The following CD47 variants were observed in gnomAD, a reference collection of about 807,000 sequenced individuals.
CD47 encodes the protein CD47 molecule.
Under a neutral mutation model 44.6 loss-of-function variants are expected in CD47, and 11 were observed. That is an observed-to-expected ratio of 0.25 (90% CI 0.16 to 0.41). CD47 has a LOEUF of 0.41. Ranked by LOEUF, CD47 falls within the 10% of genes least tolerant of loss-of-function variation. The pLI is 1.00. For missense variants in CD47, 306 were observed against 386.7 expected (o/e 0.79, Z 1.75); for synonymous variants, 140 against 136.3 (o/e 1.03, Z -0.19).
rs376846275 is a variant in CD47, at chr3:108,060,810, G to C, written c.533C>G (p.Ala178Gly). Residue 178 changes from alanine (A) to glycine (G), a missense_variant, in exon 4 of 11, where the codon GCT (alanine) becomes GGT (glycine). Ala to Gly is a moderately conservative substitution (Grantham distance 60). Around this residue, in one of 5 missense-constraint regions of CD47, gnomAD observed 65 missense variants for 119.9 expected, o/e 0.54. Coordinates refer to ENST00000361309, the MANE Select transcript of CD47 (RefSeq NM_001777.4). ...RSGGMDEKTIALLVAGLVITV... is the reference protein window; with the variant it reads ...RSGGMDEKTIGLLVAGLVITV... The stretch of plus-strand genomic sequence containing the variant: ...GATCACTAGTCCAGCAACAAGTAAA[G>C]CAATTGTTTTCTCATCCATACCACC... 1.4e-5 allele frequency: 22 copies of C among 1,613,306 alleles called. No individual in the cohort carries two copies. Among genetic ancestry groups the C allele is most frequent in the Non-Finnish European group, 1.5e-5 (18 of 1,179,498 alleles).
intron 1 of CD47, among the ~76,000 whole-genome samples, chr3:108,090,290 T>C (rs961317195): frequency 5.3e-5 from 8 of 152,184 alleles, no homozygotes; most frequent in African/African-American, 1.9e-4. Flanking sequence ...TCTGATTGAA[T>C]GCTGAGTTGA....
rs770576578 is a variant in CD47, at chr3:108,045,070, T to C, written c.*2218A>G. On this transcript the variant is annotated 3_prime_UTR_variant, in exon 11 of 11. Transcript: ENST00000361309. ...TCTGTGGTCACTTATCCAGAGAAGC[T>C]GACAACTAGTGAGAGCAAGAGTTGG... The C allele has an allele frequency of 1.1e-3, 161 of 152,734 alleles. 1 individual carries two copies. Among genetic ancestry groups the C allele is most frequent in the Non-Finnish European group, 1.8e-3 (124 of 68,032 alleles). The allele number at this position is 152,734 out of a possible 1,614,324, so 9.5% of individuals were successfully genotyped here.
intron 1 of CD47, among the ~76,000 whole-genome samples, chr3:108,089,386 C>G (rs1407521670): frequency 6.6e-6 from 1 of 152,194 alleles, no homozygotes; most frequent in Non-Finnish European, 1.5e-5. Context: ...ACCATTCCAA[C>G]AGTTCTAAAC....
At chr3:108,076,742 G>T (rs1171495084) in intron 2 of CD47, among the ~76,000 whole-genome samples, 1 of 152,126 alleles carries the variant, frequency 6.6e-6, no homozygotes, top group Non-Finnish European at 1.5e-5. Context: ...CCACTTCCTT[G>T]AAATCAGCAA....
At chr3:108,060,917 T>C (rs571426265) in intron 3 of CD47, 65 bp from the exon 4 acceptor site, 2 of 1,070,432 alleles carry the variant, frequency 1.9e-6, no homozygotes, top group Non-Finnish European at 2.8e-6. Context: ...TAATAACTTG[T>C]AAGGTACAGA....
rs1428279373 is a variant in CD47 at position 108,060,870 on chromosome 3, A to G, written c.491-18T>C. On this transcript the variant is annotated intron_variant, in intron 3 of 10. Transcript: ENST00000361309. ...TTTAAGTGCTTAAAAAAGAAAAACA[A>G]AGAATTATATGAACTCAATCACAAG... 6.6e-7 allele frequency: 1 copy of G among 1,521,152 alleles called. No homozygotes were observed. The allele number at this position is 1,521,152 out of a possible 1,614,324, so 94.2% of individuals were successfully genotyped here.
In CD47 at chr3:108,047,303, G is replaced by T; in HGVS notation, c.968-11C>A. ...TTCACTTCAGTTATTCTGGAAAATT[G>T]AAAAATGAACACATAATCACTATTC... On this transcript the variant is annotated splice_polypyrimidine_tract_variant and intron_variant, in intron 10 of 10. Coordinates refer to ENST00000361309, the MANE Select transcript of CD47 (RefSeq NM_001777.4). The T allele has an allele frequency of 6.2e-7, 1 of 1,601,538 alleles. No individual in the cohort carries two copies. The highest frequency in any genetic ancestry group is 1.7e-5 in the Admixed American group (1 of 59,400).
At chr3:108,079,201 G>C (rs752961188) in intron 2 of CD47, among the ~76,000 whole-genome samples, 41 of 151,948 alleles carry the variant, frequency 2.7e-4, no homozygotes, top group Non-Finnish European at 4.9e-4. Context: ...ATTCTAAATA[G>C]AGATTTCAAA....
intron 3 of CD47, among the ~76,000 whole-genome samples, chr3:108,063,687 A>G (rs1319362381): frequency 6.6e-6 from 1 of 152,212 alleles, no homozygotes; most frequent in East Asian, 1.9e-4. Context: ...ATTAAGATAA[A>G]AATAACTCAA....
At chr3:108,081,844 C>T (rs925719513) in intron 1 of CD47, among the ~76,000 whole-genome samples, 1 of 151,838 alleles carries the variant, frequency 6.6e-6, no homozygotes, top group Non-Finnish European at 1.5e-5. Context: ...ATGATATGGG[C>T]CCTCTTTGAC....
chr3:108,067,182 C>T (rs946903924), intron 3 of CD47, among the ~76,000 whole-genome samples: 1 of 152,044 alleles, frequency 6.6e-6, no homozygotes, highest in Non-Finnish European at 1.5e-5. Context: ...TTTTCATTTC[C>T]CAATGCCGTT....
chr3:108,067,891 AAG>A (rs2079131392), intron 3 of CD47, among the ~76,000 whole-genome samples: 1 of 152,142 alleles, frequency 6.6e-6, no homozygotes, highest in Admixed American at 6.5e-5. Flanking sequence ...CTCTGGTATA[AAG>A]AAACTCTTTC....
intron 3 of CD47, among the ~76,000 whole-genome samples, chr3:108,066,489 C>G (rs2079107850): frequency 6.6e-6 from 1 of 152,212 alleles, no homozygotes; most frequent in African/African-American, 2.4e-5. Flanking sequence ...GATGTCCCAT[C>G]ATGATCAGTG....
intron 1 of CD47, among the ~76,000 whole-genome samples, chr3:108,089,128 A>G (rs2079579191): frequency 1.3e-5 from 2 of 152,246 alleles, no homozygotes; most frequent in East Asian, 3.8e-4. Flanking sequence ...TTAAACACAT[A>G]CAAAAACATA....
At chr3:108,051,705 G>A in intron 8 of CD47, 2 of 624,618 alleles carry the variant, frequency 3.2e-6, no homozygotes, top group East Asian at 3.5e-5. Flanking sequence ...TTTTGGGTGT[G>A]AGAAGTCAGT....
At chr3:108,057,229 C>T (rs1448887502) in intron 7 of CD47, among the ~76,000 whole-genome samples, 1 of 152,138 alleles carries the variant, frequency 6.6e-6, no homozygotes, top group East Asian at 1.9e-4. Context: ...TTTCATTAAT[C>T]CTATATGTCT....
At chr3:108,062,311 G>A (rs2079028904) in intron 3 of CD47, among the ~76,000 whole-genome samples, 1 of 152,126 alleles carries the variant, frequency 6.6e-6, no homozygotes. Context: ...AGGCTCAAAT[G>A]CTGGCTAGAA....
intron 2 of CD47, 113 bp from the exon 3 acceptor site, chr3:108,071,295 G>C (rs1466864307): frequency 3.3e-5 from 18 of 538,412 alleles, no homozygotes; most frequent in Non-Finnish European, 5.6e-5. Context: ...TTAAAACTGT[G>C]GCCTTATTTT....
chr3:108,086,118 A>G (rs1044712564), intron 1 of CD47, among the ~76,000 whole-genome samples: 5 of 152,148 alleles, frequency 3.3e-5, no homozygotes, highest in Non-Finnish European at 7.4e-5. Flanking sequence ...CTGAAAGCAG[A>G]GAATTATTTA....
Sources: gnomAD v4.1 joint callset for allele counts (sites outside exome capture counted in the v4.1 genomes callset) on GRCh38, gnomAD v4.1.1 for gene constraint, gnomAD v4.1.1 regional missense constraint, MANE v1.5 for transcripts, NCBI Gene and HGNC (gene_info 2026-07-23, HGNC 2026-07-21) for gene names.